PHACTR1: variants seen among roughly 807,000 people sequenced by gnomAD.
The protein encoded by PHACTR1 is RPEL repeat containing 1.
A neutral mutation model predicts 69.2 loss-of-function variants in PHACTR1; 16 were observed. The observed-to-expected ratio is 0.23, with a 90% CI of 0.16 to 0.35. The LOEUF (loss-of-function observed/expected upper bound fraction) is 0.35, where lower values mean the gene tolerates loss of function less well. Ranked by LOEUF, PHACTR1 falls within the 10% of genes least tolerant of loss-of-function variation. PHACTR1 has a pLI of 1.00. For missense variants in PHACTR1, 510 were observed against 734.7 expected, an observed-to-expected ratio of 0.69 and a Z score of 3.54; for synonymous variants, 312 against 284.5, an observed-to-expected ratio of 1.10 and a Z score of -0.97.
At chr6:12,780,881 G>C (rs1770731118) in intron 4 of PHACTR1, among the ~76,000 whole-genome samples, 1 of 152,200 alleles carries the variant, frequency 6.6e-6, no homozygotes, top group Non-Finnish European at 1.5e-5. Flanking sequence ...GATGGCTTTG[G>C]AGGACAGATG....
intron 3 of PHACTR1, 189 bp from the exon 4 acceptor site, chr6:12,749,455 C>T (rs1766255838): frequency 1.5e-6 from 1 of 673,542 alleles, no homozygotes; most frequent in African/African-American, 1.8e-5. Flanking sequence ...ACCCCTTTCT[C>T]TCCTTTGCTC....
In PHACTR1 at chr6:12,919,375, G is replaced by A. The variant is rs188989636; in HGVS notation, c.251-133990G>A. ...CCAGGCTAGTCTCAAACTCCTGATCGCGTGATCTGCCTGCCTCGGCCTCCC... is the reference window on the plus strand; with the variant it reads ...CCAGGCTAGTCTCAAACTCCTGATCACGTGATCTGCCTGCCTCGGCCTCCC... On this transcript the variant is annotated intron_variant, in intron 4 of 14. Coordinates refer to ENST00000332995, the MANE Select transcript of PHACTR1 (RefSeq NM_030948.6). Among the ~76,000 whole-genome samples the A allele has an allele frequency of 8.9e-3, 1,358 of 151,908 alleles. 28 individuals carry two copies. The highest frequency in any genetic ancestry group is 0.03 in the African/African-American group (1,258 of 41,420).
chr6:13,088,322 G>A (rs190278817), intron 5 of PHACTR1, among the ~76,000 whole-genome samples: 2 of 120,026 alleles, frequency 1.7e-5, no homozygotes, highest in East Asian at 2.2e-4. Context: ...ACTACCCCCC[G>A]CAAAAAAAAA....
In PHACTR1 at chr6:13,246,656, C is replaced by G. The variant is rs1266197302; in HGVS notation, c.1391+16463C>G. 6.6e-6 allele frequency among the ~76,000 whole-genome samples: 1 copy of G among 152,132 alleles called. No homozygotes were observed. Among genetic ancestry groups the G allele is most frequent in the Non-Finnish European group, 1.5e-5 (1 of 68,032 alleles). On this transcript the variant is annotated intron_variant, in intron 10 of 14. Transcript: ENST00000332995. The surrounding 1 kb of genome is among the most constrained non-coding windows in gnomAD (Gnocchi z 4.2). ...CCATTGCATATAGTGCTCTTTCTCCCTCACCCACCAAATTTGGCTTCAGGC... is the reference window on the plus strand; with the variant it reads ...CCATTGCATATAGTGCTCTTTCTCCGTCACCCACCAAATTTGGCTTCAGGC...
At chr6:13,047,332 C>A (rs1188748593) in intron 4 of PHACTR1, among the ~76,000 whole-genome samples, 1 of 132,244 alleles carries the variant, frequency 7.6e-6, no homozygotes, top group African/African-American at 2.9e-5. Context: ...GAACTGAGAT[C>A]ATGTCACTGC....
At chr6:12,958,208 C>T (rs1276655623) in intron 4 of PHACTR1, among the ~76,000 whole-genome samples, 23 of 152,126 alleles carry the variant, frequency 1.5e-4, no homozygotes, top group Admixed American at 1.2e-3. Context: ...TAGGCTGGAG[C>T]CCACGGTGTT....
rs781539751 is a variant in PHACTR1 at position 13,283,575 on chromosome 6, G to A, written c.1650+13G>A. ...CGCTGCAGACAAAGTAAGCAGAGGG[G>A]AGTGCTGGAGAGTGGGAGGCAGGAC... On this transcript the variant is annotated intron_variant, in intron 13 of 14. Coordinates refer to ENST00000332995, the MANE Select transcript of PHACTR1 (RefSeq NM_030948.6). The surrounding 1 kb of genome is among the most constrained non-coding windows in gnomAD (Gnocchi z 4.7). 6 of 1,613,748 alleles carry A rather than the reference G, an allele frequency of 3.7e-6. No homozygotes were observed. The Middle Eastern group carries it at 4.9e-4, about 133-fold the overall frequency.
At chr6:12,988,296 G>A (rs1796428503) in intron 4 of PHACTR1, among the ~76,000 whole-genome samples, 1 of 152,156 alleles carries the variant, frequency 6.6e-6, no homozygotes, top group Admixed American at 6.5e-5. Flanking sequence ...ACTGATTGCT[G>A]GAGCTGACCT....
intron 5 of PHACTR1, among the ~76,000 whole-genome samples, chr6:13,092,405 C>A (rs534077863): frequency 6.6e-6 from 1 of 152,092 alleles, no homozygotes; most frequent in Non-Finnish European, 1.5e-5. Flanking sequence ...TAGAGGTGAA[C>A]CAGGCAGATG....
intron 5 of PHACTR1, among the ~76,000 whole-genome samples, chr6:13,079,804 C>T (rs963290413): frequency 2.0e-5 from 3 of 152,088 alleles, no homozygotes; most frequent in African/African-American, 7.2e-5. Flanking sequence ...AGCAAGATCA[C>T]CACTCTGGCT....
chr6:13,240,525 A>G (rs1034985883), intron 10 of PHACTR1, among the ~76,000 whole-genome samples: 1 of 151,688 alleles, frequency 6.6e-6, no homozygotes, highest in African/African-American at 2.4e-5. Context: ...GCTCACTGCA[A>G]CCTCCACCCG....
chr6:12,865,724 C>T (rs959059977), intron 4 of PHACTR1, among the ~76,000 whole-genome samples: 1 of 152,144 alleles, frequency 6.6e-6, no homozygotes, highest in African/African-American at 2.4e-5. Flanking sequence ...CTTGATGTTC[C>T]GGGACAGTCC....
chr6:12,734,742 G>A (rs1764015711), intron 3 of PHACTR1, among the ~76,000 whole-genome samples: 1 of 152,194 alleles, frequency 6.6e-6, no homozygotes, highest in Admixed American at 6.5e-5. Context: ...AGCCACAGAG[G>A]ATGGGCGGAG....
intron 5 of PHACTR1, among the ~76,000 whole-genome samples, chr6:13,084,225 G>C (rs1811900342): frequency 6.6e-6 from 1 of 151,762 alleles, no homozygotes; most frequent in African/African-American, 2.4e-5. Flanking sequence ...TCCTTTGTAG[G>C]GGCATGGATG....
At chr6:13,193,580 G>T (rs554789398) in intron 7 of PHACTR1, among the ~76,000 whole-genome samples, 4 of 150,894 alleles carry the variant, frequency 2.7e-5, no homozygotes, top group Admixed American at 6.6e-5. Flanking sequence ...TAGAGACAAG[G>T]TCTCTCGATG....
chr6:12,818,701 A>C (rs545371944), intron 4 of PHACTR1, among the ~76,000 whole-genome samples: 1 of 152,372 alleles, frequency 6.6e-6, no homozygotes, highest in South Asian at 2.1e-4. Flanking sequence ...AAAAAAATCA[A>C]AACCTTTAGG....
intron 1 of PHACTR1, among the ~76,000 whole-genome samples, chr6:12,717,159 T>C (rs1411165468): frequency 6.6e-6 from 1 of 152,140 alleles, no homozygotes; most frequent in Non-Finnish European, 1.5e-5. Context: ...TAACGTATGT[T>C]AAGCTAAAAT....
At chr6:12,749,578 C>T in intron 3 of PHACTR1, 66 bp from the exon 4 acceptor site, 1 of 843,072 alleles carries the variant, frequency 1.2e-6, no homozygotes, top group African/African-American at 1.9e-5. Flanking sequence ...GTGCGCGAGC[C>T]TCTTCCTCTC....
intron 6 of PHACTR1, among the ~76,000 whole-genome samples, chr6:13,163,106 G>A (rs1442236008): frequency 1.3e-5 from 2 of 152,090 alleles, no homozygotes; most frequent in East Asian, 3.9e-4. Context: ...TTTGTCGGGT[G>A]TGGTGGCATG....
Sources: gnomAD v4.1 joint callset for allele counts (sites outside exome capture counted in the v4.1 genomes callset) on GRCh38, gnomAD v4.1.1 for gene constraint, Gnocchi (gnomAD v3.1) non-coding constraint, MANE v1.5 for transcripts, NCBI Gene and HGNC (gene_info 2026-07-23, HGNC 2026-07-21) for gene names.